NLGN1: variants seen among roughly 807,000 people sequenced by gnomAD.
The protein encoded by NLGN1 is neuroligin-1.
NLGN1 carries 12 observed loss-of-function variants against 65.5 expected under a neutral mutation model. That is an observed-to-expected ratio of 0.18 (90% CI 0.12 to 0.30). NLGN1 has a LOEUF of 0.30. NLGN1 is among the 10% of genes least tolerant of loss of function. The probability of loss-of-function intolerance (pLI) is 1.00; values close to 1 mark genes in which losing one functional copy is unlikely to be tolerated. For synonymous variants in NLGN1, 350 were observed against 359.5 expected (o/e 0.97, Z 0.30); for missense variants, 750 against 1,007.1 (o/e 0.74, Z 3.46).
intron 2 of NLGN1, among the ~76,000 whole-genome samples, chr3:173,508,773 C>T (rs1278605411): frequency 6.6e-6 from 1 of 152,122 alleles, no homozygotes; most frequent in Non-Finnish European, 1.5e-5. Flanking sequence ...GAATACAGTT[C>T]TCCAGTCTTA....
chr3:173,532,720 A>G (rs1736791862), intron 2 of NLGN1, among the ~76,000 whole-genome samples: 1 of 152,252 alleles, frequency 6.6e-6, no homozygotes, highest in African/African-American at 2.4e-5. Flanking sequence ...TTAAAATTAC[A>G]TATGTGGCTC....
chr3:173,627,866 A>C (rs1438852734), intron 3 of NLGN1, among the ~76,000 whole-genome samples: 1 of 146,442 alleles, frequency 6.8e-6, no homozygotes, highest in African/African-American at 2.5e-5. Context: ...GGCTGTTCAG[A>C]AAAAAAAAAA....
chr3:173,720,351 C>G (rs932261766), intron 3 of NLGN1, among the ~76,000 whole-genome samples: 1 of 151,938 alleles, frequency 6.6e-6, no homozygotes, highest in African/African-American at 2.4e-5. Context: ...TTCATTTTTC[C>G]CTTATTCAAG....
downstream of NLGN1, among the ~76,000 whole-genome samples, chr3:174,290,044 C>T (rs1382595669): frequency 1.4e-5 from 2 of 147,218 alleles, no homozygotes; most frequent in African/African-American, 2.5e-5. Context: ...TACTACATGT[C>T]AGCTCTGAGG....
At chr3:174,003,049 A>G (rs1302904005) in intron 4 of NLGN1, among the ~76,000 whole-genome samples, 1 of 152,138 alleles carries the variant, frequency 6.6e-6, no homozygotes, top group Non-Finnish European at 1.5e-5. Flanking sequence ...AAAGTTGAGG[A>G]TGAGTGAGGC....
At chr3:173,728,344 G>A (rs1247818459) in intron 3 of NLGN1, among the ~76,000 whole-genome samples, 1 of 152,088 alleles carries the variant, frequency 6.6e-6, no homozygotes, top group African/African-American at 2.4e-5. Context: ...GAAAAATAAT[G>A]TGTTCACACT....
Position 173,682,755 on chromosome 3 carries a change from C to A in NLGN1, c.493+77664C>A, listed in dbSNP as rs140193536. Among the ~76,000 whole-genome samples, 268 of 152,158 alleles carry A rather than the reference C, an allele frequency of 1.8e-3. 2 individuals carry two copies. Among genetic ancestry groups the A allele is most frequent in the African/African-American group, 6.1e-3 (255 of 41,514 alleles). ...TTGAGCAGTAGGATATAAATAACTC[C>A]CACATGCTTAGTGTTCCAATAATGG... is the stretch of plus-strand genomic sequence containing the variant. On this transcript the variant is annotated intron_variant, in intron 3 of 6. Coordinates refer to ENST00000457714, the Ensembl canonical transcript of NLGN1.
chr3:173,840,300 C>A (rs1353279328), intron 4 of NLGN1, among the ~76,000 whole-genome samples: 1 of 152,068 alleles, frequency 6.6e-6, no homozygotes, highest in Non-Finnish European at 1.5e-5. Flanking sequence ...CTATGGACTA[C>A]CATAAAATTA....
chr3:173,649,645 A>G (rs550487983), intron 3 of NLGN1, among the ~76,000 whole-genome samples: 70 of 152,240 alleles, frequency 4.6e-4, no homozygotes, highest in Non-Finnish European at 7.5e-4. Context: ...ATAGGTACTT[A>G]TCGTTCTATC....
chr3:173,415,201 G>T (rs1373820735), intron 1 of NLGN1, among the ~76,000 whole-genome samples: 1 of 152,164 alleles, frequency 6.6e-6, no homozygotes, highest in Non-Finnish European at 1.5e-5. Flanking sequence ...GTTGTATGTG[G>T]TTAAATTCTG....
chr3:174,212,567 G>GT (rs569417100), intron 4 of NLGN1, among the ~76,000 whole-genome samples: 205 of 152,352 alleles, frequency 1.3e-3, no homozygotes, highest in Non-Finnish European at 2.5e-3. Flanking sequence ...TTGTGTAAGT[G>GT]TATCCCATGA....
At position 173,480,935 on chromosome 3, in the gene NLGN1, C is replaced by A. The variant is rs1471486391; in HGVS notation, c.-321+45857C>A. Among the ~76,000 whole-genome samples the A allele has an allele frequency of 3.3e-5, 5 of 152,172 alleles. No individual in the cohort carries two copies. The East Asian group carries it at 9.6e-4, about 29-fold the overall frequency. On this transcript the variant is annotated intron_variant, in intron 2 of 6. Transcript: ENST00000457714. ...GAGTGTACGTGTATGTGTGTCTACA[C>A]AAACCCTTAAATTGCATTTATCATG...
intron 4 of NLGN1, among the ~76,000 whole-genome samples, chr3:173,809,646 A>G (rs917126493): frequency 1.3e-5 from 2 of 152,174 alleles, no homozygotes; most frequent in African/African-American, 2.4e-5. Context: ...GCAAGATTTC[A>G]TAACATAAAC....
At chr3:173,964,438 T>C (rs1256440028) in intron 4 of NLGN1, among the ~76,000 whole-genome samples, 1 of 152,150 alleles carries the variant, frequency 6.6e-6, no homozygotes, top group Non-Finnish European at 1.5e-5. Flanking sequence ...AATAACTACA[T>C]AGGGACAGAG....
intron 4 of NLGN1, among the ~76,000 whole-genome samples, chr3:173,917,499 ACTTTT>A (rs549632181): frequency 1.2e-4 from 18 of 152,236 alleles, no homozygotes; most frequent in Non-Finnish European, 2.6e-4. Flanking sequence ...AGATACTGAT[ACTTTT>A]CTTAAGAAAA....
intron 4 of NLGN1, among the ~76,000 whole-genome samples, chr3:173,857,694 C>G (rs952165684): frequency 3.3e-5 from 5 of 151,852 alleles, no homozygotes; most frequent in African/African-American, 1.2e-4. Context: ...TGAGCATCTT[C>G]AGGGTGTTAC....
At chr3:173,554,971 C>T (rs368007938) in intron 2 of NLGN1, among the ~76,000 whole-genome samples, 2 of 152,108 alleles carry the variant, frequency 1.3e-5, no homozygotes, top group East Asian at 3.8e-4. Flanking sequence ...AATTGTATCT[C>T]ATTGTGGTTT....
At chr3:173,469,343 A>G (rs1019424490) in intron 2 of NLGN1, among the ~76,000 whole-genome samples, 7 of 152,088 alleles carry the variant, frequency 4.6e-5, no homozygotes, top group South Asian at 2.1e-4. Context: ...CATCCCAAAC[A>G]TAGCAATACC....
intron 4 of NLGN1, among the ~76,000 whole-genome samples, chr3:173,814,772 A>G (rs1364541243): frequency 1.3e-5 from 2 of 152,212 alleles, no homozygotes; most frequent in Non-Finnish European, 2.9e-5. Context: ...CCTTGCTATC[A>G]GTAGATTGTT....
Sources: allele counts gnomAD v4.1 joint callset (sites outside exome capture counted in the v4.1 genomes callset), GRCh38; gene constraint gnomAD v4.1.1; transcripts MANE v1.5; gene names NCBI Gene and HGNC (gene_info 2026-07-23, HGNC 2026-07-21).